ATP2C2: variants seen among roughly 807,000 people sequenced by gnomAD.
The protein encoded by ATP2C2 is calcium-transporting ATPase type 2C member 2.
In ATP2C2, 171 loss-of-function variants were observed where a neutral mutation model predicts 110.8. The observed-to-expected ratio is 1.54, with a 90% CI of 1.36 to 1.75. The LOEUF is 1.75. Among genes scored for constraint, ATP2C2 ranks in the 40% most tolerant of loss-of-function variants. The pLI is 0.00. For synonymous variants in ATP2C2, 804 were observed against 508.4 expected (o/e 1.58, Z -7.82); for missense variants, 1,963 against 1,235.0 (o/e 1.59, Z -8.84).
At chr16:84,372,692 G>A (rs1418741611) in intron 1 of ATP2C2, among the ~76,000 whole-genome samples, 1 of 152,004 alleles carries the variant, frequency 6.6e-6, no homozygotes, top group Admixed American at 6.5e-5. Context: ...CCAAAGTGCT[G>A]GGATTACAGG....
chr16:84,423,279 T>A lies in ATP2C2; in HGVS notation c.919+16T>A, dbSNP rs368568706. 1.2e-4 allele frequency: 200 copies of A among 1,610,920 alleles called. No individual in the cohort carries two copies. The highest frequency in any genetic ancestry group is 5.0e-4 in the Middle Eastern group (3 of 6,056). On this transcript the variant is annotated intron_variant, in intron 10 of 26. Transcript: ENST00000262429. ...GGCATAATCGGTGAGTGAAGCAGTT[T>A]CCATACTGGGTTTGTTCTGCAGATG...
chr16:84,443,599 C>G (rs965615416), intron 15 of ATP2C2, among the ~76,000 whole-genome samples: 2 of 152,218 alleles, frequency 1.3e-5, no homozygotes, highest in East Asian at 3.9e-4. Flanking sequence ...CCGACTTTCT[C>G]TTCAAGTTCA....
At chr16:84,395,661 C>T (rs554098780) in intron 1 of ATP2C2, among the ~76,000 whole-genome samples, 1 of 151,976 alleles carries the variant, frequency 6.6e-6, no homozygotes, top group Non-Finnish European at 1.5e-5. Context: ...AGATGCCTGC[C>T]ACCATGCCTG....
chr16:84,461,315 C>T, intron 24 of ATP2C2: 3 of 305,692 alleles, frequency 9.8e-6, no homozygotes, highest in Non-Finnish European at 1.8e-5. Flanking sequence ...GGGAGGGGAC[C>T]CTGGCCGGGT....
At chr16:84,393,090 C>A (rs1221845675) in intron 1 of ATP2C2, among the ~76,000 whole-genome samples, 1 of 152,160 alleles carries the variant, frequency 6.6e-6, no homozygotes, top group Non-Finnish European at 1.5e-5. Context: ...GGCACGGGCC[C>A]ACTTGGAGAG....
chr16:84,459,734 C>G, intron 23 of ATP2C2: 2 of 697,056 alleles, frequency 2.9e-6, no homozygotes, highest in East Asian at 5.5e-5. Context: ...ATCCCCTCAC[C>G]CTGCTGTATT....
chr16:84,377,156 T>C (rs1463254908), intron 1 of ATP2C2, among the ~76,000 whole-genome samples: 1 of 152,104 alleles, frequency 6.6e-6, no homozygotes, highest in African/African-American at 2.4e-5. Flanking sequence ...AGCCGTGTGC[T>C]AAGTCTTAGT....
rs909215467 is a variant in ATP2C2, at chr16:84,464,008, T to TCTAA, written c.*280_*283dup. 35 of 335,210 alleles carry TCTAA rather than the reference T, an allele frequency of 1.0e-4. No homozygotes were observed. The highest frequency in any genetic ancestry group is 6.7e-4 in the African/African-American group (32 of 47,966). 20.8% of individuals were successfully genotyped at this position (335,210 alleles called of 1,614,324 possible). On this transcript the variant is annotated 3_prime_UTR_variant, in exon 27 of 27. Coordinates refer to ENST00000262429, the MANE Select transcript of ATP2C2 (RefSeq NM_014861.4). ...ATCACAATGATTTTTATTAACCATG[T>TCTAA]CTAACTACGTATCTGTGCCACAGCT...
rs145163503 is a variant in ATP2C2, at chr16:84,454,487, G to T, written c.1981-331G>T. ...CAGGTACCCCATGGTTTCCAGGGCCGCACTGTTGATTACTGTTTATTACTG... is the reference window on the plus strand; with the variant it reads ...CAGGTACCCCATGGTTTCCAGGGCCTCACTGTTGATTACTGTTTATTACTG... On this transcript the variant is annotated intron_variant, in intron 20 of 26. Transcript: ENST00000262429. 2.9e-3 allele frequency among the ~76,000 whole-genome samples: 438 copies of T among 152,200 alleles called. 4 individuals are homozygous for T. Among genetic ancestry groups the T allele is most frequent in the African/African-American group, 1.0e-2 (415 of 41,528 alleles).
At chr16:84,462,399 G>A (rs1041801894) in intron 26 of ATP2C2, 25 of 378,448 alleles carry the variant, frequency 6.6e-5, no homozygotes, top group Middle Eastern at 7.8e-4. Flanking sequence ...CCAGGCGTCG[G>A]GCTGGAGGCT....
rs773247697 is a variant in ATP2C2, at chr16:84,462,015, C to T, written c.2608C>T (p.Leu870Phe). 8 of 1,613,886 alleles carry T rather than the reference C, an allele frequency of 5.0e-6. No homozygotes were observed. The highest frequency in any genetic ancestry group is 1.7e-5 in the Admixed American group (1 of 59,990). ...CAAGCTGATATTTGAGATCGGCTTT[C>T]TCAGGAACCACATGTTCCTCTACTC... ...QTKLIFEIGF[L>F]RNHMFLYSVL... Residue 870 changes from leucine to phenylalanine, a missense_variant, in exon 26 of 27, where the codon CTC becomes TTC. Physicochemically the swap from Leu to Phe is conservative, Grantham distance 22. Transcript: ENST00000262429.
At chr16:84,437,341 A>G (rs1415390320) in intron 11 of ATP2C2, among the ~76,000 whole-genome samples, 2 of 151,882 alleles carry the variant, frequency 1.3e-5, no homozygotes, top group Non-Finnish European at 2.9e-5. Flanking sequence ...TTATAGGTGC[A>G]CACTGCCACA....
Position 84,408,503 on chromosome 16 carries a change from C to G in ATP2C2, c.417+9C>G. ...CCGTCAGCATCGCCACGGTGAGTTCCCTGACAGCGCTCGGCTCCCGGGCGG... is the reference window on the plus strand; with the variant it reads ...CCGTCAGCATCGCCACGGTGAGTTCGCTGACAGCGCTCGGCTCCCGGGCGG... On this transcript the variant is annotated intron_variant, in intron 4 of 26. Coordinates refer to ENST00000262429, the MANE Select transcript of ATP2C2 (RefSeq NM_014861.4). 2 of 1,610,628 alleles carry G rather than the reference C, an allele frequency of 1.2e-6. No individual in the cohort carries two copies. The highest frequency in any genetic ancestry group is 1.7e-6 in the Non-Finnish European group (2 of 1,178,826).
At chr16:84,387,776 A>G (rs1904403818) in intron 1 of ATP2C2, among the ~76,000 whole-genome samples, 1 of 152,082 alleles carries the variant, frequency 6.6e-6, no homozygotes, top group Non-Finnish European at 1.5e-5. Flanking sequence ...AGCTCTGGGT[A>G]CATTTTAGAA....
In ATP2C2 at chr16:84,405,557, G is replaced by C. The variant is rs542272827; in HGVS notation, c.327+313G>C. Among the ~76,000 whole-genome samples, 71 of 152,346 alleles carry C rather than the reference G, an allele frequency of 4.7e-4. 1 individual carries two copies. Among genetic ancestry groups the C allele is most frequent in the African/African-American group, 1.6e-3 (67 of 41,582 alleles). On this transcript the variant is annotated intron_variant, in intron 3 of 26. Coordinates refer to ENST00000262429, the MANE Select transcript of ATP2C2 (RefSeq NM_014861.4). ...CGCCTTTGCACATGAGGAAGGAGAA[G>C]TGCAGAGGTTGAAAGATTTCCCCAG...
intron 26 of ATP2C2, 127 bp from the exon 27 acceptor site, chr16:84,463,487 G>A (rs1164380874): frequency 3.9e-6 from 3 of 765,354 alleles, no homozygotes; most frequent in Non-Finnish European, 6.7e-6. Flanking sequence ...CCTGCCTTCA[G>A]GGGAATGAAA....
At chr16:84,416,311 C>A (rs113862691) in intron 7 of ATP2C2, among the ~76,000 whole-genome samples, 1,583 of 152,290 alleles carry the variant, frequency 0.01, 24 homozygotes, top group African/African-American at 0.036. Flanking sequence ...ATCAAGTTCA[C>A]CATGATTTGT....
intron 21 of ATP2C2, among the ~76,000 whole-genome samples, chr16:84,455,352 T>G (rs1910698979): frequency 6.6e-6 from 1 of 152,126 alleles, no homozygotes. Flanking sequence ...GCCAAATACG[T>G]GCTCACACTT....
At position 84,368,599 on chromosome 16, in the gene ATP2C2, G is replaced by C; in HGVS notation, c.-17G>C. 6.5e-7 allele frequency: 1 copy of C among 1,541,942 alleles called. No homozygotes were observed. Among genetic ancestry groups the C allele is most frequent in the Non-Finnish European group, 8.8e-7 (1 of 1,142,252 alleles). ...CCGGGGACCTAGGGACGCAGGCAAC[G>C]CCTGCGCCCGCTCACCATGGTCGAG... On this transcript the variant is annotated 5_prime_UTR_variant, in exon 1 of 27. Coordinates refer to ENST00000262429, the MANE Select transcript of ATP2C2 (RefSeq NM_014861.4).
Sources: allele counts gnomAD v4.1 joint callset (sites outside exome capture counted in the v4.1 genomes callset), GRCh38; gene constraint gnomAD v4.1.1; transcripts MANE v1.5; gene names NCBI Gene and HGNC (gene_info 2026-07-23, HGNC 2026-07-21).